ADAMTSL2: variants seen among roughly 807,000 people sequenced by gnomAD.
ADAMTSL2 encodes the protein ADAMTS like 2.
In ADAMTSL2, 55 loss-of-function variants were observed where a neutral mutation model predicts 117.0. The ratio of observed to expected loss-of-function variants is 0.47; its 90% CI spans 0.38 to 0.59. The LOEUF (loss-of-function observed/expected upper bound fraction) is 0.59. ADAMTSL2 is among the 20% of genes least tolerant of loss of function. The probability of loss-of-function intolerance (pLI) is 0.00; values close to 1 mark genes in which losing one functional copy is unlikely to be tolerated. For missense variants in ADAMTSL2, 1,182 were observed against 1,354.5 expected (o/e 0.87, Z 2.00); for synonymous variants, 572 against 566.4 (o/e 1.01, Z -0.14).
At chr9:133,537,262 C>A in intron 2 of ADAMTSL2, 143 bp from the exon 3 acceptor site, 4 of 914,412 alleles carry the variant, frequency 4.4e-6, no homozygotes, top group Non-Finnish European at 4.5e-6. Context: ...ACCCAAGCTG[C>A]CGAGTGACCC....
intron 12 of ADAMTSL2, among the ~76,000 whole-genome samples, chr9:133,564,040 C>A (rs868254214): frequency 1.1e-4 from 1 of 9,516 alleles, no homozygotes; most frequent in African/African-American, 4.2e-4. Context: ...GGGAGAGAGA[C>A]AGAGAGAGAG....
At chr9:133,567,627 G>A (rs1484453676) in intron 13 of ADAMTSL2, among the ~76,000 whole-genome samples, 2 of 152,132 alleles carry the variant, frequency 1.3e-5, no homozygotes, top group African/African-American at 2.4e-5. Flanking sequence ...CCCCGCACAC[G>A]GCCACACTGC....
At position 133,568,449 on chromosome 9, in the gene ADAMTSL2, C is replaced by T. The variant is rs1831027411; in HGVS notation, c.2051C>T (p.Ala684Val). The change falls in exon 14 of 19, where the codon GCC becomes GTC. Residue 684 changes from alanine (A) to valine (V), a missense_variant. Ala to Val is a moderately conservative substitution (Grantham distance 64). Coordinates refer to ENST00000651351, the MANE Select transcript of ADAMTSL2 (RefSeq NM_014694.4). Reference sequence around the variant, plus strand: ...GAACGCAAGACCTGCCGGAACCCCGCCTGCGGGCCCCAGTGGGAGATGTCG... The same window carrying T: ...GAACGCAAGACCTGCCGGAACCCCGTCTGCGGGCCCCAGTGGGAGATGTCG... ...PEERKTCRNP[A>V]CGPQWEMSEW... 6.2e-7 allele frequency: 1 copy of T among 1,607,980 alleles called. No individual in the cohort carries two copies.
At chr9:133,547,313 G>A in intron 9 of ADAMTSL2, 100 bp downstream of exon 9, 1 of 1,243,610 alleles carries the variant, frequency 8.0e-7, no homozygotes, top group South Asian at 1.4e-5. Flanking sequence ...CGCCCCCAGG[G>A]CCACTGTGCG....
rs1830207371 is a variant in ADAMTSL2, at chr9:133,540,916, A to G, written c.597A>G (p.Thr199=). ...GCDGVLFSTH[T]LDKCGICQGD... The stretch of plus-strand genomic sequence containing the variant: ...ACGGGGTGCTTTTCTCCACCCACAC[A>G]CTGGACAAGTGTGGCATCTGCCAGG... The change falls in exon 7 of 19, where the codon ACA becomes ACG. Residue 199 remains threonine (T), a synonymous_variant. Transcript: ENST00000651351. The G allele has an allele frequency of 1.9e-6, 3 of 1,613,306 alleles. No homozygotes were observed. Among genetic ancestry groups the G allele is most frequent in the South Asian group, 1.1e-5 (1 of 91,074 alleles).
intron 11 of ADAMTSL2, among the ~76,000 whole-genome samples, chr9:133,560,659 G>C (rs1471794514): frequency 6.6e-6 from 1 of 152,228 alleles, no homozygotes; most frequent in Admixed American, 6.5e-5. Context: ...CTGTAGGCTC[G>C]GCCCCTGCCA....
chr9:133,567,541 G>T (rs1003574001), intron 13 of ADAMTSL2, among the ~76,000 whole-genome samples: 7 of 152,176 alleles, frequency 4.6e-5, no homozygotes, highest in African/African-American at 1.4e-4. Context: ...GACAAGTGGG[G>T]TCCCCAGATG....
rs202082532 is a variant in ADAMTSL2, at chr9:133,567,152, G to T, written c.1874+90G>T. ...AGCAGTCAGACTTACCCCCTGCCCCGTAGAGGTTCTTCGTGTGCAGGGCCG... is the reference window on the plus strand; with the variant it reads ...AGCAGTCAGACTTACCCCCTGCCCCTTAGAGGTTCTTCGTGTGCAGGGCCG... On this transcript the variant is annotated intron_variant, in intron 13 of 18. Transcript: ENST00000651351. The T allele has an allele frequency of 5.3e-6, 8 of 1,497,918 alleles. No individual in the cohort carries two copies. In the African/African-American group the frequency reaches 9.6e-5, roughly 18 times the overall value. The allele number at this position is 1,497,918 out of a possible 1,614,324, so 92.8% of individuals were successfully genotyped here.
In ADAMTSL2 at chr9:133,574,953, T is replaced by G; in HGVS notation, c.*89T>G. On this transcript the variant is annotated 3_prime_UTR_variant, in exon 19 of 19. Transcript: ENST00000651351. ...CTGGGGCCTCCACAGACCCCCCTCC[T>G]GCGGGGCACGCTGGCCTAAGAGACG... The G allele has an allele frequency of 9.9e-7, 1 of 1,011,376 alleles. No homozygotes were observed. The highest frequency in any genetic ancestry group is 1.6e-6 in the Non-Finnish European group (1 of 642,688). The allele number at this position is 1,011,376 out of a possible 1,614,324, so 62.7% of individuals were successfully genotyped here. A position where few individuals can be genotyped will look rare whatever the true frequency, so the allele number is the denominator to read the frequency against.
In ADAMTSL2 at chr9:133,570,108, A is replaced by G. The variant is rs968532773; in HGVS notation, c.2416-223A>G. Among the ~76,000 whole-genome samples, 262 of 152,362 alleles carry G rather than the reference A, an allele frequency of 1.7e-3. 4 individuals are homozygous for G. Among genetic ancestry groups the G allele is most frequent in the Non-Finnish European group, 4.6e-4 (31 of 68,030 alleles). On this transcript the variant is annotated intron_variant, in intron 16 of 18. Coordinates refer to ENST00000651351, the MANE Select transcript of ADAMTSL2 (RefSeq NM_014694.4). ...TCACTGGCCAGATTGTCATTAGCCA[A>G]TTTGTTTCAAAACAGATGGTTATGT... is the stretch of plus-strand genomic sequence containing the variant.
chr9:133,567,781 T>G (rs1056437933), intron 13 of ADAMTSL2, among the ~76,000 whole-genome samples: 4 of 152,174 alleles, frequency 2.6e-5, no homozygotes, highest in Non-Finnish European at 5.9e-5. Context: ...GTCCTTCCCC[T>G]CAGAGCCCAT....
chr9:133,533,651 G>C (rs1191413622), upstream of ADAMTSL2, among the ~76,000 whole-genome samples: 2 of 152,190 alleles, frequency 1.3e-5, no homozygotes, highest in Admixed American at 6.5e-5. Context: ...GTCAGACACA[G>C]GGCAGAACTT....
At chr9:133,571,762 G>A (rs1457722682) in intron 17 of ADAMTSL2, among the ~76,000 whole-genome samples, 1 of 152,210 alleles carries the variant, frequency 6.6e-6, no homozygotes, top group Admixed American at 6.5e-5. Context: ...GGGGACCTGG[G>A]GGTGTCCAGA....
intron 12 of ADAMTSL2, among the ~76,000 whole-genome samples, chr9:133,564,077 GGA>G (rs1240257829): frequency 1.3e-3 from 31 of 23,868 alleles, no homozygotes; most frequent in African/African-American, 1.8e-3. Context: ...AGAGAGAAAG[GGA>G]GAGAGAGAGA....
chr9:133,537,104 C>T (rs1184316091), intron 2 of ADAMTSL2, among the ~76,000 whole-genome samples: 2 of 152,166 alleles, frequency 1.3e-5, no homozygotes, highest in East Asian at 1.9e-4. Flanking sequence ...GCAGTTGGGC[C>T]CTGAGCTGCT....
chr9:133,536,241 G>A (rs1564490702), intron 1 of ADAMTSL2, among the ~76,000 whole-genome samples: 2 of 152,240 alleles, frequency 1.3e-5, no homozygotes, highest in Non-Finnish European at 2.9e-5. Context: ...CAAGAGCTGA[G>A]CCAGTTAAAA....
chr9:133,554,365 C>A lies in ADAMTSL2; in HGVS notation c.948C>A (p.Asn316Lys). The change falls in exon 10 of 19, where the codon AAC becomes AAA. Residue 316 changes from asparagine to lysine, a missense_variant. By Grantham distance (94) the Asn-to-Lys change is moderately conservative. Around this residue, in one of 3 missense-constraint regions of ADAMTSL2, gnomAD observed 372 missense variants for 463.4 expected, o/e 0.80. Coordinates refer to ENST00000651351, the MANE Select transcript of ADAMTSL2 (RefSeq NM_014694.4). This position sits in a 1 kb window ranked among gnomAD's most constrained non-coding sequence, Gnocchi z 5.2. Reference protein sequence around the residue: ...TNQGLNVMVWNQNGKSPSITF... With the variant: ...TNQGLNVMVWKQNGKSPSITF... ...CACTTCTCTTTCCCTAGGTGTGGAA[C>A]CAGAACGGCAAAAGCCCCTCCATCA... The A allele has an allele frequency of 6.4e-7, 1 of 1,553,312 alleles. No individual in the cohort carries two copies. Among genetic ancestry groups the A allele is most frequent in the Non-Finnish European group, 8.7e-7 (1 of 1,153,638 alleles).
chr9:133,574,826 A>C lies in ADAMTSL2; in HGVS notation c.2818A>C (p.Lys940Gln), dbSNP rs1831190530. 1.2e-6 allele frequency: 2 copies of C among 1,613,418 alleles called. No individual in the cohort carries two copies. Among genetic ancestry groups the C allele is most frequent in the Non-Finnish European group, 1.7e-6 (2 of 1,179,980 alleles). Residue 940 changes from lysine (K) to glutamine (Q), a missense_variant, in exon 19 of 19, where the codon AAG (lysine) becomes CAG (glutamine). Lys to Gln is a moderately conservative substitution (Grantham distance 53). Around this residue, in one of 3 missense-constraint regions of ADAMTSL2, gnomAD observed 465 missense variants for 565.3 expected, o/e 0.82. Transcript: ENST00000651351. ...VNLCGHWYYS[K>Q]ACCRSCRPPH... ...CCTCTGCGGGCACTGGTACTACAGC[A>C]AGGCGTGCTGCCGCTCCTGCAGGCC...
At chr9:133,561,393 C>T in intron 12 of ADAMTSL2, 98 bp downstream of exon 12, 4 of 1,129,494 alleles carry the variant, frequency 3.5e-6, no homozygotes, top group Middle Eastern at 2.8e-4. Context: ...TTGCAGCCCC[C>T]AAACTGCCCT....
Sources: gnomAD v4.1 joint callset for allele counts (sites outside exome capture counted in the v4.1 genomes callset) on GRCh38, gnomAD v4.1.1 for gene constraint, gnomAD v4.1.1 regional missense constraint, Gnocchi (gnomAD v3.1) non-coding constraint, MANE v1.5 for transcripts, NCBI Gene and HGNC (gene_info 2026-07-23, HGNC 2026-07-21) for gene names.